Variants in MSRB3 observed in about 807,000 individuals in gnomAD.
MSRB3 encodes the protein methionine sulfoxide reductase B3, also known as methionine-R-sulfoxide reductase B3.
MSRB3 carries 13 observed loss-of-function variants against 21.0 expected under a neutral mutation model. The ratio of observed to expected loss-of-function variants is 0.62; its 90% CI spans 0.40 to 0.98. The LOEUF (loss-of-function observed/expected upper bound fraction) is 0.98, where lower values mean the gene tolerates loss of function less well. Ranked by LOEUF, MSRB3 falls within the 50% of genes least tolerant of loss-of-function variation. The probability of loss-of-function intolerance (pLI) is 0.00; values close to 1 mark genes in which losing one functional copy is unlikely to be tolerated. For synonymous variants in MSRB3, 87 were observed against 88.6 expected, an observed-to-expected ratio of 0.98 and a Z score of 0.10; for missense variants, 199 against 230.3, an observed-to-expected ratio of 0.86 and a Z score of 0.88.
rs982081408 is a variant in MSRB3 at position 65,464,417 on chromosome 12, A to C, written c.*1095A>C. 2 of 152,368 alleles carry C rather than the reference A, an allele frequency of 1.3e-5. No individual in the cohort carries two copies. Among genetic ancestry groups the C allele is most frequent in the Admixed American group, 6.5e-5 (1 of 15,286 alleles). 9.4% of individuals were successfully genotyped at this position (152,368 alleles called of 1,614,324 possible). On this transcript the variant is annotated 3_prime_UTR_variant, in exon 7 of 7. Coordinates refer to ENST00000308259, the MANE Select transcript of MSRB3 (RefSeq NM_001031679.3). ...CAGTGAGCTGAGCTCATACCACTGCACTCCAGCCTGAACAGAGTGAGATCC... is the reference window on the plus strand; with the variant it reads ...CAGTGAGCTGAGCTCATACCACTGCCCTCCAGCCTGAACAGAGTGAGATCC...
At chr12:65,320,321 A>T (rs1874581976) in intron 2 of MSRB3, among the ~76,000 whole-genome samples, 1 of 152,206 alleles carries the variant, frequency 6.6e-6, no homozygotes, top group African/African-American at 2.4e-5. Context: ...GGCTTGGAGA[A>T]CAGATGAAAT....
intron 4 of MSRB3, among the ~76,000 whole-genome samples, chr12:65,365,587 A>C (rs1877964304): frequency 6.6e-6 from 1 of 152,092 alleles, no homozygotes; most frequent in Non-Finnish European, 1.5e-5. Context: ...AACCCATAGT[A>C]ATGCATATGT....
At chr12:65,354,104 C>G (rs563752634) in intron 4 of MSRB3, among the ~76,000 whole-genome samples, 1 of 152,148 alleles carries the variant, frequency 6.6e-6, no homozygotes, top group South Asian at 2.1e-4. Flanking sequence ...AGCTGTTAGT[C>G]TGATGGGCTT....
intron 5 of MSRB3, among the ~76,000 whole-genome samples, chr12:65,401,683 T>A (rs569300228): frequency 6.6e-6 from 1 of 152,246 alleles, no homozygotes; most frequent in Non-Finnish European, 1.5e-5. Flanking sequence ...GTCCATTAGT[T>A]GATGCAGTTT....
chr12:65,395,005 G>T (rs1415732557), intron 5 of MSRB3, among the ~76,000 whole-genome samples: 1 of 152,088 alleles, frequency 6.6e-6, no homozygotes, highest in East Asian at 1.9e-4. Flanking sequence ...AAAGATGTCA[G>T]TTTTCACCAT....
At chr12:65,328,775 G>A (rs1875222275) in intron 4 of MSRB3, among the ~76,000 whole-genome samples, 172 bp downstream of exon 4, 1 of 152,282 alleles carries the variant, frequency 6.6e-6, no homozygotes, top group African/African-American at 2.4e-5. Flanking sequence ...TAAATTACCA[G>A]TGTGACAGAC....
chr12:65,341,938 A>C (rs1876171030), intron 4 of MSRB3, among the ~76,000 whole-genome samples: 1 of 151,990 alleles, frequency 6.6e-6, no homozygotes, highest in Admixed American at 6.6e-5. Context: ...GTATAAATGA[A>C]TACTATGTTT....
intron 5 of MSRB3, chr12:65,419,044 A>T: frequency 1.4e-6 from 1 of 705,620 alleles, no homozygotes; most frequent in Admixed American, 2.0e-5. Context: ...CACCTCCCTC[A>T]GGCTGTTCTC....
chr12:65,289,927 C>A (rs1465685497), intron 1 of MSRB3, among the ~76,000 whole-genome samples: 1 of 152,106 alleles, frequency 6.6e-6, no homozygotes, highest in Non-Finnish European at 1.5e-5. Context: ...TTTTCTTTAT[C>A]CCCCACAAAA....
At chr12:65,316,717 A>T (rs1874322647) in intron 2 of MSRB3, among the ~76,000 whole-genome samples, 1 of 152,158 alleles carries the variant, frequency 6.6e-6, no homozygotes. Context: ...TATCTATAGG[A>T]TGAAAGGAGT....
At chr12:65,380,298 G>T (rs1383545255) in intron 5 of MSRB3, among the ~76,000 whole-genome samples, 4 of 152,138 alleles carry the variant, frequency 2.6e-5, no homozygotes, top group African/African-American at 7.2e-5. Context: ...TTGTTGGGGG[G>T]TCCTGATATA....
At chr12:65,284,648 TTAAAAA>T (rs1872234040) in intron 1 of MSRB3, 1 of 151,494 alleles carries the variant, frequency 6.6e-6, no homozygotes, top group African/African-American at 2.4e-5. Context: ...GTAAGGAGAG[TTAAAAA>T]TAAAGAGAAA....
chr12:65,404,502 G>C (rs1297681944), intron 5 of MSRB3, among the ~76,000 whole-genome samples: 2 of 152,100 alleles, frequency 1.3e-5, no homozygotes, highest in Admixed American at 1.3e-4. Flanking sequence ...ATAAAGAAAA[G>C]AAAAACATTT....
At chr12:65,338,532 C>T (rs1173118839) in intron 4 of MSRB3, among the ~76,000 whole-genome samples, 1 of 152,050 alleles carries the variant, frequency 6.6e-6, no homozygotes, top group Non-Finnish European at 1.5e-5. Context: ...TGGCTAGGAC[C>T]TTTAACAACA....
chr12:65,306,192 G>A (rs1161922783), intron 1 of MSRB3, among the ~76,000 whole-genome samples: 4 of 152,134 alleles, frequency 2.6e-5, no homozygotes, highest in African/African-American at 9.7e-5. Context: ...TTTTAGATCT[G>A]TTTGTTAAAG....
At chr12:65,421,521 A>G (rs540066260) in intron 5 of MSRB3, among the ~76,000 whole-genome samples, 11 of 152,304 alleles carry the variant, frequency 7.2e-5, no homozygotes, top group Admixed American at 2.6e-4. Flanking sequence ...TGGCATCTTC[A>G]TCATGAAATT....
Position 65,291,999 on chromosome 12 carries a change from A to G in MSRB3, c.-52+13134A>G, listed in dbSNP as rs118016366. ...TTAGGCCTACTTCAGTGGTTCAGAT[A>G]GGAATTGATAATGGTTTGGACCACA... is the stretch of plus-strand genomic sequence containing the variant. On this transcript the variant is annotated intron_variant, in intron 1 of 6. Transcript: ENST00000308259. Among the ~76,000 whole-genome samples the G allele has an allele frequency of 7.2e-4, 110 of 152,342 alleles. 2 individuals carry two copies. The East Asian group carries it at 0.019, about 26-fold the overall frequency.
At chr12:65,380,556 C>T (rs1391280551) in intron 5 of MSRB3, among the ~76,000 whole-genome samples, 3 of 152,126 alleles carry the variant, frequency 2.0e-5, no homozygotes, top group African/African-American at 4.8e-5. Context: ...GCCTAGGTGA[C>T]AGAGTGAGAC....
intron 4 of MSRB3, among the ~76,000 whole-genome samples, chr12:65,338,776 G>A (rs1023181971): frequency 4.6e-5 from 7 of 152,182 alleles, no homozygotes; most frequent in Non-Finnish European, 1.0e-4. Flanking sequence ...GGCATGAGAA[G>A]AGAGGTAAAG....
Sources: gnomAD v4.1 joint callset for allele counts (sites outside exome capture counted in the v4.1 genomes callset) on GRCh38, gnomAD v4.1.1 for gene constraint, MANE v1.5 for transcripts, NCBI Gene and HGNC (gene_info 2026-07-23, HGNC 2026-07-21) for gene names.